The following NALF1 variants were observed in gnomAD, a reference collection of about 807,000 sequenced individuals.
NALF1 encodes family with sequence similarity 155 member A.
NALF1 carries 3 observed loss-of-function variants against 48.4 expected under a neutral mutation model. That is an observed-to-expected ratio of 0.06 (90% CI 0.03 to 0.16). The LOEUF is 0.16. Ranked by LOEUF, NALF1 falls within the 10% of genes least tolerant of loss-of-function variation. The probability of loss-of-function intolerance (pLI) is 1.00; values close to 1 mark genes in which losing one functional copy is unlikely to be tolerated. For synonymous variants in NALF1, 262 were observed against 245.7 expected, an observed-to-expected ratio of 1.07 and a Z score of -0.62; for missense variants, 526 against 571.5, an observed-to-expected ratio of 0.92 and a Z score of 0.81.
At chr13:107,478,732 A>T (rs948915574) in intron 1 of NALF1, among the ~76,000 whole-genome samples, 2 of 151,254 alleles carry the variant, frequency 1.3e-5, no homozygotes, top group Non-Finnish European at 3.0e-5. Flanking sequence ...TGTTTTTATA[A>T]TTTTTTTTTG....
At chr13:107,202,269 T>G (rs1879536942) in intron 2 of NALF1, among the ~76,000 whole-genome samples, 1 of 151,610 alleles carries the variant, frequency 6.6e-6, no homozygotes, top group South Asian at 2.1e-4. Flanking sequence ...TATTTCTTAC[T>G]TATTACCTAC....
intron 1 of NALF1, among the ~76,000 whole-genome samples, chr13:107,528,837 A>G (rs1159794999): frequency 1.3e-5 from 2 of 152,182 alleles, no homozygotes; most frequent in African/African-American, 4.8e-5. Context: ...ACAATCAGTT[A>G]AAGAACCAAA....
intron 1 of NALF1, among the ~76,000 whole-genome samples, chr13:107,651,466 G>C (rs1880449518): frequency 6.6e-6 from 1 of 152,124 alleles, no homozygotes; most frequent in African/African-American, 2.4e-5. Context: ...TTTTTGTGAG[G>C]GTTGGGAGTT....
Position 107,828,062 on chromosome 13 carries a change from G to A in NALF1, c.915+37620C>T, listed in dbSNP as rs150915654. Among the ~76,000 whole-genome samples the A allele has an allele frequency of 2.3e-3, 346 of 152,272 alleles. 3 individuals carry two copies. Among genetic ancestry groups the A allele is most frequent in the East Asian group, 0.016 (83 of 5,188 alleles). ...CCAATGTATACTCACAGGTGACAGG[G>A]ATCTCACAGTTAGAGTAAACCAAAG... On this transcript the variant is annotated intron_variant, in intron 1 of 2. Coordinates refer to ENST00000375915, the MANE Select transcript of NALF1 (RefSeq NM_001080396.3).
chr13:107,800,764 T>C (rs1479577342), intron 1 of NALF1, among the ~76,000 whole-genome samples: 1 of 148,288 alleles, frequency 6.7e-6, no homozygotes, highest in Non-Finnish European at 1.5e-5. Flanking sequence ...TAATACAGTG[T>C]ATAATATAGT....
chr13:107,817,621 T>TA (rs1261667231), intron 1 of NALF1, among the ~76,000 whole-genome samples: 24 of 152,238 alleles, frequency 1.6e-4, no homozygotes, highest in African/African-American at 5.5e-4. Context: ...CACCTCTTTT[T>TA]AAAATTTGTT....
At chr13:107,688,564 A>G (rs1028407248) in intron 1 of NALF1, among the ~76,000 whole-genome samples, 1 of 152,254 alleles carries the variant, frequency 6.6e-6, no homozygotes, top group African/African-American at 2.4e-5. Context: ...AGAACTTAAC[A>G]GGAAAAAGAA....
intron 1 of NALF1, among the ~76,000 whole-genome samples, chr13:107,630,435 C>T (rs1208477757): frequency 6.6e-6 from 1 of 152,072 alleles, no homozygotes; most frequent in Non-Finnish European, 1.5e-5. Flanking sequence ...CACCCCCCGT[C>T]CAGCAAATTG....
chr13:107,670,325 C>T (rs1357868219), intron 1 of NALF1, among the ~76,000 whole-genome samples: 1 of 152,046 alleles, frequency 6.6e-6, no homozygotes, highest in African/African-American at 2.4e-5. Context: ...CACAGGCACA[C>T]ACATACAAGA....
intron 1 of NALF1, among the ~76,000 whole-genome samples, chr13:107,669,272 A>C (rs1880934744): frequency 1.3e-5 from 2 of 152,144 alleles, no homozygotes; most frequent in South Asian, 4.1e-4. Flanking sequence ...ATATGAAAAC[A>C]CTTTATCCAG....
At chr13:107,353,113 CA>C (rs1210675371) in intron 1 of NALF1, among the ~76,000 whole-genome samples, 2 of 152,056 alleles carry the variant, frequency 1.3e-5, no homozygotes, top group Non-Finnish European at 2.9e-5. Flanking sequence ...TACCACTTCT[CA>C]AAAAAATTGT....
intron 1 of NALF1, among the ~76,000 whole-genome samples, chr13:107,854,965 A>T (rs2138645359): frequency 6.6e-6 from 1 of 152,246 alleles, no homozygotes; most frequent in African/African-American, 2.4e-5. Flanking sequence ...AACTTTTGGT[A>T]AGAAACCAAT....
intron 1 of NALF1, among the ~76,000 whole-genome samples, chr13:107,666,409 C>T (rs999193307): frequency 2.0e-5 from 3 of 152,114 alleles, no homozygotes; most frequent in Non-Finnish European, 2.9e-5. Context: ...TCTCCTGTGA[C>T]AATGCTTCAA....
intron 1 of NALF1, among the ~76,000 whole-genome samples, chr13:107,361,234 A>C (rs1883055290): frequency 6.6e-6 from 1 of 152,318 alleles, no homozygotes; most frequent in South Asian, 2.1e-4. Flanking sequence ...AGCTGGAGGA[A>C]CTGAGGAAAT....
At chr13:107,591,028 T>C (rs1221342901) in intron 1 of NALF1, among the ~76,000 whole-genome samples, 2 of 151,894 alleles carry the variant, frequency 1.3e-5, no homozygotes, top group African/African-American at 2.4e-5. Flanking sequence ...AACTTACTGA[T>C]AGAAATAACA....
intron 1 of NALF1, among the ~76,000 whole-genome samples, chr13:107,225,361 C>T (rs1453490710): frequency 2.0e-5 from 3 of 152,070 alleles, no homozygotes; most frequent in Admixed American, 6.6e-5. Flanking sequence ...TCACTGTAGC[C>T]TCAGCCTCCC....
At chr13:107,336,368 GATAATA>G (rs760969544) in intron 1 of NALF1, among the ~76,000 whole-genome samples, 2 of 127,260 alleles carry the variant, frequency 1.6e-5, no homozygotes, top group African/African-American at 3.0e-5. Context: ...TGATGATGAT[GATAATA>G]ATAATAATAA....
intron 2 of NALF1, among the ~76,000 whole-genome samples, chr13:107,210,007 G>A (rs1046918014): frequency 6.6e-6 from 1 of 152,060 alleles, no homozygotes; most frequent in African/African-American, 2.4e-5. Flanking sequence ...TGCCCAGTCT[G>A]ACTCATTTGC....
At chr13:107,659,563 C>A (rs1218604241) in intron 1 of NALF1, among the ~76,000 whole-genome samples, 1 of 151,656 alleles carries the variant, frequency 6.6e-6, no homozygotes, top group East Asian at 1.9e-4. Flanking sequence ...AGTAGAATTG[C>A]CTATCTCTCG....
Sources: gnomAD v4.1 joint callset for allele counts (sites outside exome capture counted in the v4.1 genomes callset) on GRCh38, gnomAD v4.1.1 for gene constraint, MANE v1.5 for transcripts, NCBI Gene and HGNC (gene_info 2026-07-23, HGNC 2026-07-21) for gene names.